Variants in EIF5B observed in about 807,000 individuals in gnomAD.
EIF5B encodes eIF-5B.
Under a neutral mutation model 147.5 loss-of-function variants are expected in EIF5B, and 47 were observed. The ratio of observed to expected loss-of-function variants is 0.32; its 90% CI spans 0.25 to 0.41. The LOEUF is 0.41. EIF5B is among the 10% of genes least tolerant of loss of function. The probability of loss-of-function intolerance (pLI) is 1.00; values close to 1 mark genes in which losing one functional copy is unlikely to be tolerated. For missense variants in EIF5B, 1,064 were observed against 1,413.2 expected, an observed-to-expected ratio of 0.75 and a Z score of 3.96; for synonymous variants, 455 against 456.2, an observed-to-expected ratio of 1.00 and a Z score of 0.03.
Position 99,389,817 on chromosome 2 carries a change from G to A in EIF5B, c.2371G>A (p.Ala791Thr), listed in dbSNP as rs1378388232. The A allele has an allele frequency of 1.9e-6, 3 of 1,613,034 alleles. No individual in the cohort carries two copies. The highest frequency in any genetic ancestry group is 2.7e-5 in the African/African-American group (2 of 74,890). ...KNTKDEFEERAKAIIVEFAQQ... is the reference protein window; with the variant it reads ...KNTKDEFEERTKAIIVEFAQQ... ...TACAAAAGATGAATTTGAGGAGCGA[G>A]CAAAGGCTATTATTGTAGAATTTGC... The change falls in exon 15 of 24, where the codon GCA (alanine) becomes ACA (threonine). Residue 791 changes from alanine to threonine, a missense_variant. Ala to Thr is a moderately conservative substitution (Grantham distance 58). This residue lies in a region of EIF5B where 380 missense variants were observed against 715.6 expected (regional missense o/e 0.53). Coordinates refer to ENST00000289371, the MANE Select transcript of EIF5B (RefSeq NM_015904.4).
chr2:99,381,115 A>G (rs1191408506), intron 12 of EIF5B, among the ~76,000 whole-genome samples: 1 of 152,202 alleles, frequency 6.6e-6, no homozygotes. Context: ...TTTTTATTTT[A>G]GAACAGTTTT....
At chr2:99,361,121 T>G (rs1319922081) in intron 3 of EIF5B, 27 bp from the exon 4 acceptor site, 1 of 1,470,862 alleles carries the variant, frequency 6.8e-7, no homozygotes, top group Admixed American at 2.6e-5. Flanking sequence ...ATTCTGTTAA[T>G]TTTTTCTAAC....
intron 22 of EIF5B, chr2:99,397,594 C>G (rs1174336721): frequency 2.0e-5 from 3 of 152,264 alleles, no homozygotes; most frequent in African/African-American, 7.2e-5. Flanking sequence ...TGGAAAGACA[C>G]TCATGCAGTT....
intron 17 of EIF5B, among the ~76,000 whole-genome samples, chr2:99,392,690 C>T (rs1189015985): frequency 1.3e-5 from 2 of 152,044 alleles, no homozygotes; most frequent in Non-Finnish European, 1.5e-5. Flanking sequence ...CATTATCTTT[C>T]TTACAGATTT....
At chr2:99,390,507 G>T in intron 16 of EIF5B, 37 bp from the exon 17 acceptor site, 1 of 1,598,458 alleles carries the variant, frequency 6.3e-7, no homozygotes, top group Non-Finnish European at 8.5e-7. Context: ...ATGGTGCATT[G>T]TATGTATGTC....
intron 1 of EIF5B, among the ~76,000 whole-genome samples, chr2:99,351,892 A>T (rs2105339173): frequency 6.6e-6 from 1 of 151,440 alleles, no homozygotes. Context: ...TAGGGACGGG[A>T]TTTCACCTTG....
intron 14 of EIF5B, among the ~76,000 whole-genome samples, chr2:99,387,659 C>T (rs1674841282): frequency 6.6e-6 from 1 of 152,096 alleles, no homozygotes; most frequent in African/African-American, 2.4e-5. Context: ...ATAAAGTTTT[C>T]AGTCAGCTTG....
At position 99,360,449 on chromosome 2, in the gene EIF5B, T is replaced by C; in HGVS notation, c.162-16T>C. ...ACTATACCAGTGCTTCACAATGTATTTTAATCCTTTTCTAGTGAAGATGAT... is the reference window on the plus strand; with the variant it reads ...ACTATACCAGTGCTTCACAATGTATCTTAATCCTTTTCTAGTGAAGATGAT... On this transcript the variant is annotated splice_polypyrimidine_tract_variant and intron_variant, in intron 2 of 23. Coordinates refer to ENST00000289371, the MANE Select transcript of EIF5B (RefSeq NM_015904.4). 6.2e-7 allele frequency: 1 copy of C among 1,611,694 alleles called. No homozygotes were observed. The highest frequency in any genetic ancestry group is 8.5e-7 in the Non-Finnish European group (1 of 1,179,048).
intron 23 of EIF5B, 188 bp from the exon 24 acceptor site, chr2:99,399,119 T>A: frequency 1.3e-6 from 1 of 776,326 alleles, no homozygotes; most frequent in Non-Finnish European, 2.0e-6. Context: ...CTAGGACTTT[T>A]AGGTCCCCTC....
At chr2:99,354,043 A>G (rs1674041924) in intron 1 of EIF5B, among the ~76,000 whole-genome samples, 1 of 152,226 alleles carries the variant, frequency 6.6e-6, no homozygotes, top group South Asian at 2.1e-4. Context: ...TTAGGTATAA[A>G]TGTGCAAGAA....
Position 99,376,600 on chromosome 2 carries a change from AGAAAGGGCTTAT to A in EIF5B, c.1809_1820del (p.Glu603_Tyr606del), listed in dbSNP as rs1559254468. ...ACTCTGATGATGATCGGACTAAAGA[AGAAAGGGCTTAT>A]GACAAAGCAAAACGGAGGATTGAGG... On this transcript the variant is annotated inframe_deletion, in exon 10 of 24. Coordinates refer to ENST00000289371, the MANE Select transcript of EIF5B (RefSeq NM_015904.4). 9.9e-6 allele frequency: 16 copies of A among 1,611,986 alleles called. No individual in the cohort carries two copies. Among genetic ancestry groups the A allele is most frequent in the Non-Finnish European group, 1.4e-5 (16 of 1,179,454 alleles).
At chr2:99,380,425 A>G (rs1674664351) in intron 12 of EIF5B, among the ~76,000 whole-genome samples, 1 of 152,152 alleles carries the variant, frequency 6.6e-6, no homozygotes, top group Admixed American at 6.5e-5. Context: ...TTCAGTTATT[A>G]TTGTGCTGAG....
chr2:99,366,175 ATGTCTCAG>A (rs1674325239), intron 6 of EIF5B, among the ~76,000 whole-genome samples: 3 of 152,330 alleles, frequency 2.0e-5, no homozygotes, highest in Admixed American at 2.0e-4. Flanking sequence ...CTTGATTGTT[ATGTCTCAG>A]TTTGCAAAGT....
intron 1 of EIF5B, among the ~76,000 whole-genome samples, chr2:99,344,404 T>G (rs2105334997): frequency 6.7e-6 from 1 of 149,514 alleles, no homozygotes; most frequent in East Asian, 2.0e-4. Flanking sequence ...GCCACCACAG[T>G]TTGTTGTTGT....
chr2:99,369,547 TTG>T (rs1674399688), intron 8 of EIF5B, 66 bp downstream of exon 8: 10 of 1,330,850 alleles, frequency 7.5e-6, no homozygotes, highest in Non-Finnish European at 1.0e-5. Flanking sequence ...GTGTCATAAG[TTG>T]TCTTAGTTAT....
intron 3 of EIF5B, 146 bp downstream of exon 3, chr2:99,360,695 A>G: frequency 3.1e-6 from 2 of 639,970 alleles, no homozygotes; most frequent in Non-Finnish European, 4.9e-6. Context: ...GTCAAAGGGA[A>G]AAATAGGAAT....
At chr2:99,371,608 A>G in intron 8 of EIF5B, 48 bp from the exon 9 acceptor site, 1 of 1,546,912 alleles carries the variant, frequency 6.5e-7, no homozygotes, top group African/African-American at 1.4e-5. Flanking sequence ...AAAGACCTTC[A>G]TATTTCTAAA....
At chr2:99,370,460 TTTCTC>T (rs1482845697) in intron 8 of EIF5B, among the ~76,000 whole-genome samples, 1 of 152,232 alleles carries the variant, frequency 6.6e-6, no homozygotes, top group Non-Finnish European at 1.5e-5. Flanking sequence ...CTTTTTCTCT[TTTCTC>T]TTCTGAGCGA....
Position 99,337,461 on chromosome 2 carries a change from A to G in EIF5B, c.-94A>G, listed in dbSNP as rs978602930. On this transcript the variant is annotated 5_prime_UTR_variant, in exon 1 of 24. Transcript: ENST00000289371. Reference sequence around the variant, plus strand: ...TGCGAGCGGCGGCAGCACGAGGGGAAAAGAGCTGAGCGGAGACCAAAGTCA... The same window carrying G: ...TGCGAGCGGCGGCAGCACGAGGGGAGAAGAGCTGAGCGGAGACCAAAGTCA... 7.3e-6 allele frequency: 11 copies of G among 1,515,370 alleles called. No homozygotes were observed. The African/African-American group carries it at 1.2e-4, about 17-fold the overall frequency. The allele number at this position is 1,515,370 out of a possible 1,614,324, so 93.9% of individuals were successfully genotyped here. A position where few individuals can be genotyped will look rare whatever the true frequency, so the allele number is the denominator to read the frequency against.
Sources: allele counts gnomAD v4.1 joint callset (sites outside exome capture counted in the v4.1 genomes callset), GRCh38; gene constraint gnomAD v4.1.1; regional missense constraint gnomAD v4.1.1; transcripts MANE v1.5; gene names NCBI Gene and HGNC (gene_info 2026-07-23, HGNC 2026-07-21).